The following METTL24 variants were observed in gnomAD, a reference collection of about 807,000 sequenced individuals.
METTL24 encodes the protein methyltransferase like 24, also known as probable methyltransferase-like protein 24.
Under a neutral mutation model 32.7 loss-of-function variants are expected in METTL24, and 29 were observed. That is an observed-to-expected ratio of 0.89 (90% CI 0.66 to 1.21). METTL24 has a LOEUF of 1.21. METTL24 is among the 50% of genes most tolerant of loss of function. METTL24 has a pLI of 0.00. For synonymous variants in METTL24, 163 were observed against 179.5 expected (o/e 0.91, Z 0.73); for missense variants, 439 against 468.1 (o/e 0.94, Z 0.57).
chr6:110,323,434 CT>C (rs1771965798), intron 1 of METTL24, among the ~76,000 whole-genome samples: 1 of 152,184 alleles, frequency 6.6e-6, no homozygotes. Context: ...ATCACCAGGG[CT>C]GGGGAGGGTG....
intron 3 of METTL24, among the ~76,000 whole-genome samples, chr6:110,307,048 C>A (rs2114739857): frequency 6.6e-6 from 1 of 152,282 alleles, no homozygotes; most frequent in South Asian, 2.1e-4. Context: ...CAAAATGCTG[C>A]CCTAAGTGAA....
chr6:110,289,071 G>C (rs1421168878), intron 4 of METTL24, among the ~76,000 whole-genome samples: 1 of 152,166 alleles, frequency 6.6e-6, no homozygotes, highest in Non-Finnish European at 1.5e-5. Flanking sequence ...GGAAGAGTAA[G>C]AGCCAAATGC....
At chr6:110,303,193 T>C (rs1433097864) in intron 3 of METTL24, among the ~76,000 whole-genome samples, 1 of 152,056 alleles carries the variant, frequency 6.6e-6, no homozygotes, top group African/African-American at 2.4e-5. Flanking sequence ...CTCGGGTGCC[T>C]ACACCACCAG....
chr6:110,340,518 G>C (rs1327039864), intron 1 of METTL24, among the ~76,000 whole-genome samples: 1 of 152,126 alleles, frequency 6.6e-6, no homozygotes, highest in Non-Finnish European at 1.5e-5. Flanking sequence ...GGAGACCTAG[G>C]TATCTGTAAT....
chr6:110,309,199 T>C (rs1263209912), intron 3 of METTL24, among the ~76,000 whole-genome samples: 1 of 152,132 alleles, frequency 6.6e-6, no homozygotes, highest in South Asian at 2.1e-4. Flanking sequence ...ACCCTCCCAT[T>C]GAAGGCAGAG....
chr6:110,342,258 T>C (rs1772374144), intron 1 of METTL24, among the ~76,000 whole-genome samples: 1 of 152,200 alleles, frequency 6.6e-6, no homozygotes, highest in Admixed American at 6.5e-5. Context: ...TGTGTGTATC[T>C]GATTCTGCAA....
At chr6:110,348,596 T>C (rs552096201) in intron 1 of METTL24, among the ~76,000 whole-genome samples, 1 of 152,394 alleles carries the variant, frequency 6.6e-6, no homozygotes, top group African/African-American at 2.4e-5. Flanking sequence ...TGCTGTCGCA[T>C]TGTGCACAAT....
chr6:110,255,115 T>C (rs529019885), intron 4 of METTL24, among the ~76,000 whole-genome samples: 1 of 152,234 alleles, frequency 6.6e-6, no homozygotes, highest in South Asian at 2.1e-4. Flanking sequence ...ATGAGAAATA[T>C]GAAGGGTCAC....
In METTL24 at chr6:110,275,301, C is replaced by G. The variant is rs1290791013; in HGVS notation, c.786+23621G>C. Among the ~76,000 whole-genome samples the G allele has an allele frequency of 2.0e-5, 3 of 152,076 alleles. No individual in the cohort carries two copies. The East Asian group carries it at 5.8e-4, about 29-fold the overall frequency. On this transcript the variant is annotated intron_variant, in intron 4 of 4. Coordinates refer to ENST00000338882, the MANE Select transcript of METTL24 (RefSeq NM_001123364.3). Reference sequence around the variant, plus strand: ...CTCTTCAAAACCTAAGCCCAACCCCCCTTTCTTGCCTCATGTCCTTGCTCC... The same window carrying G: ...CTCTTCAAAACCTAAGCCCAACCCCGCTTTCTTGCCTCATGTCCTTGCTCC...
rs541690636 is a variant in METTL24, at chr6:110,304,966, C to T, written c.558-5816G>A. On this transcript the variant is annotated intron_variant, in intron 3 of 4. Coordinates refer to ENST00000338882, the MANE Select transcript of METTL24 (RefSeq NM_001123364.3). The stretch of plus-strand genomic sequence containing the variant: ...CAGACTAACAGCAGATCTCTCTCTG[C>T]AGAAACCCTACAAGCTAGAAGACAG... 2.0e-5 allele frequency among the ~76,000 whole-genome samples: 3 copies of T among 152,278 alleles called. No individual in the cohort carries two copies. The South Asian group carries it at 6.2e-4, about 32-fold the overall frequency.
intron 1 of METTL24, among the ~76,000 whole-genome samples, chr6:110,345,468 C>T (rs559272549): frequency 1.2e-3 from 188 of 152,332 alleles, no homozygotes; most frequent in African/African-American, 4.4e-3. Flanking sequence ...CATAAAGACA[C>T]ATGCACATGA....
intron 3 of METTL24, among the ~76,000 whole-genome samples, chr6:110,309,432 C>G (rs1001639742): frequency 5.3e-5 from 8 of 152,188 alleles, no homozygotes; most frequent in Admixed American, 5.2e-4. Context: ...CGCAATGCCA[C>G]ATTTCATCTA....
intron 3 of METTL24, among the ~76,000 whole-genome samples, chr6:110,309,113 T>C (rs957133896): frequency 1.3e-5 from 2 of 152,220 alleles, no homozygotes; most frequent in South Asian, 2.1e-4. Context: ...ATGTGAAATA[T>C]ATCTTAACAA....
intron 4 of METTL24, among the ~76,000 whole-genome samples, chr6:110,248,046 G>T (rs901362888): frequency 3.3e-5 from 5 of 152,088 alleles, no homozygotes; most frequent in African/African-American, 9.7e-5. Flanking sequence ...AGATCTGGCT[G>T]TTTAGAAAGA....
intron 4 of METTL24, among the ~76,000 whole-genome samples, chr6:110,255,163 A>T (rs1365806459): frequency 6.6e-6 from 1 of 152,198 alleles, no homozygotes; most frequent in Non-Finnish European, 1.5e-5. Flanking sequence ...ACTAATAATA[A>T]AATAAAATAA....
chr6:110,349,653 T>C (rs1214085491), intron 1 of METTL24, among the ~76,000 whole-genome samples: 4 of 152,176 alleles, frequency 2.6e-5, no homozygotes, highest in South Asian at 4.1e-4. Context: ...AATGTTATTA[T>C]CTTGTCAGGG....
chr6:110,298,004 A>G (rs1285558942), intron 4 of METTL24, among the ~76,000 whole-genome samples: 2 of 152,016 alleles, frequency 1.3e-5, no homozygotes, highest in African/African-American at 4.8e-5. Context: ...AGGCAGAGAA[A>G]AGGGAGGAAG....
At chr6:110,315,207 T>C in intron 3 of METTL24, 135 bp downstream of exon 3, 1 of 1,033,086 alleles carries the variant, frequency 9.7e-7, no homozygotes, top group Non-Finnish European at 1.4e-6. Context: ...GACAGATCAG[T>C]CTGAAATGAT....
chr6:110,354,710 T>A (rs550825630), intron 1 of METTL24, among the ~76,000 whole-genome samples: 1 of 152,304 alleles, frequency 6.6e-6, no homozygotes, highest in Admixed American at 6.5e-5. Context: ...TGAGCTTTGT[T>A]CCCAGAAGTG....
Sources: allele counts gnomAD v4.1 joint callset (sites outside exome capture counted in the v4.1 genomes callset), GRCh38; gene constraint gnomAD v4.1.1; transcripts MANE v1.5; gene names NCBI Gene and HGNC (gene_info 2026-07-23, HGNC 2026-07-21).